The following ATG2A variants were observed in gnomAD, a reference collection of about 807,000 sequenced individuals.
ATG2A encodes the protein autophagy related 2A, also known as autophagy-related protein 2 homolog A.
Under a neutral mutation model 214.2 loss-of-function variants are expected in ATG2A, and 103 were observed. That is an observed-to-expected ratio of 0.48 (90% CI 0.41 to 0.57). The LOEUF is 0.57. Ranked by LOEUF, ATG2A falls within the 20% of genes least tolerant of loss-of-function variation. The probability of loss-of-function intolerance (pLI) is 0.00; values close to 1 mark genes in which losing one functional copy is unlikely to be tolerated. For missense variants in ATG2A, 2,312 were observed against 2,613.2 expected (o/e 0.88, Z 2.51); for synonymous variants, 1,160 against 1,142.1 (o/e 1.02, Z -0.32).
At chr11:64,905,932 TG>T in intron 22 of ATG2A, 84 bp from the exon 23 acceptor site, 1 of 1,437,700 alleles carries the variant, frequency 7.0e-7, no homozygotes. Flanking sequence ...GGCCCCTGCC[TG>T]GCACCTCACC....
chr11:64,901,015 C>T lies in ATG2A; in HGVS notation c.4197G>A (p.Pro1399=), dbSNP rs112351554. The change falls in exon 30 of 41, where the codon CCG becomes CCA. Residue 1399 remains proline, a synonymous_variant. Coordinates refer to ENST00000377264, the MANE Select transcript of ATG2A (RefSeq NM_015104.3). ...CCCGCAGCAAGTCCGTGCTGCCGAT[C>T]GGCCGTGAGAAGTAACCGTCCCTCA... ...IVVRDGYFSR[P]IGSTDLLRAP... is the part of the protein sequence containing the mutation. 470 of 1,589,810 alleles carry T rather than the reference C, an allele frequency of 3.0e-4. No individual in the cohort carries two copies. Among genetic ancestry groups the T allele is most frequent in the Non-Finnish European group, 3.5e-4 (413 of 1,168,192 alleles).
chr11:64,911,205 A>AC lies in ATG2A; in HGVS notation c.1298dup (p.Val434CysfsTer17). The AC allele has an allele frequency of 6.2e-7, 1 of 1,613,758 alleles. No individual in the cohort carries two copies. Among genetic ancestry groups the AC allele is most frequent in the Non-Finnish European group, 8.5e-7 (1 of 1,179,944 alleles). On this transcript the variant is annotated frameshift_variant, in exon 10 of 41. Transcript: ENST00000377264. LOFTEE classifies it high-confidence loss of function. ...ACGTCTGAAGCAAGGTCAGGGTCAC[A>AC]CCCCCCAAGGTCATCTTCAGCAGCG...
chr11:64,906,421 T>C lies in ATG2A; in HGVS notation c.3096A>G (p.Gly1032=), dbSNP rs1342468593. 4 of 1,612,974 alleles carry C rather than the reference T, an allele frequency of 2.5e-6. No homozygotes were observed. The highest frequency in any genetic ancestry group is 3.4e-6 in the Non-Finnish European group (4 of 1,179,986). ...GGCCCTGGCCCTTGCGGCCCGAGGC[T>C]CCCCGCTCGGTCACCCCTTCCTCCG... is the stretch of plus-strand genomic sequence containing the variant. The part of the protein sequence containing the change: ...YPSEEGVTER[G]ASGRKGQGRG... Residue 1032 remains glycine (G), a synonymous_variant, in exon 21 of 41, where the codon GGA becomes GGG. Coordinates refer to ENST00000377264, the MANE Select transcript of ATG2A (RefSeq NM_015104.3).
intron 16 of ATG2A, among the ~76,000 whole-genome samples, chr11:64,908,299 TC>T (rs1944632639): frequency 6.6e-6 from 1 of 152,158 alleles, no homozygotes; most frequent in Non-Finnish European, 1.5e-5. Context: ...ATGCCTATAA[TC>T]CCAGCACTTT....
rs764552685 is a variant in ATG2A, at chr11:64,901,069, C to T, written c.4143G>A (p.Val1381=). 22 of 1,575,138 alleles carry T rather than the reference C, an allele frequency of 1.4e-5. No homozygotes were observed. The highest frequency in any genetic ancestry group is 1.8e-5 in the Non-Finnish European group (21 of 1,160,628). Residue 1381 remains valine, a synonymous_variant, in exon 30 of 41, where the codon GTG becomes GTA. Coordinates refer to ENST00000377264, the MANE Select transcript of ATG2A (RefSeq NM_015104.3). ...CGATGGGGCCGGGATGCAGCTGTGT[C>T]ACCACAGGCTCCCCATCTCGGGGCT... is the stretch of plus-strand genomic sequence containing the variant. ...GIPPRDGEPV[V]TQLHPGPIVV...
Position 64,903,236 on chromosome 11 carries a change from T to G in ATG2A, c.3612+52A>C. 2.6e-6 allele frequency: 4 copies of G among 1,560,314 alleles called. No homozygotes were observed. Among genetic ancestry groups the G allele is most frequent in the Non-Finnish European group, 3.5e-6 (4 of 1,133,072 alleles). On this transcript the variant is annotated intron_variant, in intron 26 of 40. Transcript: ENST00000377264. The surrounding 1 kb of genome is among the most constrained non-coding windows in gnomAD (Gnocchi z 4.2). Reference sequence around the variant, plus strand: ...GAGCAGCAGCCCCTGAAGACTCCCTTGGCCCCTGCACCTGCTGTGGCTCCA... The same window carrying G: ...GAGCAGCAGCCCCTGAAGACTCCCTGGGCCCCTGCACCTGCTGTGGCTCCA...
At chr11:64,907,107 G>A in intron 19 of ATG2A, 148 bp downstream of exon 19, 1 of 991,182 alleles carries the variant, frequency 1.0e-6, no homozygotes, top group Non-Finnish European at 1.4e-6. Context: ...CTGTGACAGG[G>A]TGGGCAGGCT....
chr11:64,917,163 T>A lies in ATG2A; in HGVS notation c.-28A>T, dbSNP rs367697585. 2 of 1,567,194 alleles carry A rather than the reference T, an allele frequency of 1.3e-6. No homozygotes were observed. The highest frequency in any genetic ancestry group is 1.7e-6 in the Non-Finnish European group (2 of 1,156,250). Reference sequence around the variant, plus strand: ...CGGAGACCGCCGGGCCTGGGCCGCCTCCGCTTGCCGCCCGCCGGCGATCCC... The same window carrying A: ...CGGAGACCGCCGGGCCTGGGCCGCCACCGCTTGCCGCCCGCCGGCGATCCC... On this transcript the variant is annotated 5_prime_UTR_variant, in exon 1 of 41. Transcript: ENST00000377264.
rs1274192831 is a variant in ATG2A, at chr11:64,905,608, G to C, written c.3419C>G (p.Thr1140Ser). The C allele has an allele frequency of 6.2e-7, 1 of 1,613,714 alleles. No homozygotes were observed. The highest frequency in any genetic ancestry group is 1.7e-5 in the Admixed American group (1 of 59,954). Residue 1140 changes from threonine to serine, a missense_variant, in exon 24 of 41, where the codon ACT becomes AGT. Transcript: ENST00000377264. The stretch of plus-strand genomic sequence containing the variant: ...GTCCATGATGATGTTGCTGGAGAGA[G>C]TGAAGGTCTCCGCGGTGATGAGGAC... ...VRVLITAETF[T>S]LSSNIIMDTS...
chr11:64,903,817 G>A lies in ATG2A; in HGVS notation c.3465-157C>T, dbSNP rs1436648584. Among the ~76,000 whole-genome samples, 2 of 152,254 alleles carry A rather than the reference G, an allele frequency of 1.3e-5. No homozygotes were observed. The highest frequency in any genetic ancestry group is 2.9e-5 in the Non-Finnish European group (2 of 68,044). ...GCACAATGGGGAGAAGGCCCAGACA[G>A]CAGGCAGTGGGAAGCGGGCAGCACT... On this transcript the variant is annotated intron_variant, in intron 24 of 40. Transcript: ENST00000377264. The surrounding 1 kb of genome is among the most constrained non-coding windows in gnomAD (Gnocchi z 4.2).
rs769304182 is a variant in ATG2A, at chr11:64,906,543, G to A, written c.2984-10C>T. 6.2e-7 allele frequency: 1 copy of A among 1,612,030 alleles called. No homozygotes were observed. Among genetic ancestry groups the A allele is most frequent in the Non-Finnish European group, 8.5e-7 (1 of 1,179,308 alleles). On this transcript the variant is annotated splice_polypyrimidine_tract_variant and intron_variant, in intron 20 of 40. Coordinates refer to ENST00000377264, the MANE Select transcript of ATG2A (RefSeq NM_015104.3). Reference sequence around the variant, plus strand: ...TAGTCATCCACGGCCGCTGGGGAGGGGTCTCATGAGCCCCCTGCCAAGCCA... The same window carrying A: ...TAGTCATCCACGGCCGCTGGGGAGGAGTCTCATGAGCCCCCTGCCAAGCCA...
Position 64,914,346 on chromosome 11 carries a change from C to T in ATG2A, c.326G>A (p.Arg109Gln), listed in dbSNP as rs1343688749. ...CCTCGCCCTGCCCTCACCTGGACCCCGGCGGGGCTGCAAGGTGAGCTGGAG... is the reference window on the plus strand; with the variant it reads ...CCTCGCCCTGCCCTCACCTGGACCCTGGCGGGGCTGCAAGGTGAGCTGGAG... ...SGLQLTLQPR[R>Q]GPAPGAADSQ... is the part of the protein sequence containing the mutation. The change falls in exon 2 of 41, where the codon CGG (arginine) becomes CAG (glutamine). Residue 109 changes from arginine (R) to glutamine (Q), a missense_variant. Physicochemically the swap from Arg to Gln is conservative, Grantham distance 43. Coordinates refer to ENST00000377264, the MANE Select transcript of ATG2A (RefSeq NM_015104.3). The T allele has an allele frequency of 5.0e-6, 8 of 1,602,272 alleles. No individual in the cohort carries two copies. The highest frequency in any genetic ancestry group is 2.2e-5 in the East Asian group (1 of 44,558).
rs1414112893 is a variant in ATG2A, at chr11:64,906,718, G to C, written c.2930C>G (p.Pro977Arg). The C allele has an allele frequency of 8.1e-6, 13 of 1,613,518 alleles. No homozygotes were observed. Among genetic ancestry groups the C allele is most frequent in the Non-Finnish European group, 1.0e-5 (12 of 1,180,026 alleles). ...TTCCAGACAGAAGTAGCCAAGTCCT[G>C]GCTGGCCACAGTACTGGGAGACGCT... ...LFSVSQYCGQ[P>R]GLGYFCLEAE... Residue 977 changes from proline (P) to arginine (R), a missense_variant, in exon 20 of 41, where the codon CCA becomes CGA. Pro to Arg is a moderately radical substitution (Grantham distance 103). Coordinates refer to ENST00000377264, the MANE Select transcript of ATG2A (RefSeq NM_015104.3).
Position 64,916,981 on chromosome 11 carries a change from A to T in ATG2A, c.155T>A (p.Ile52Asn). Residue 52 changes from isoleucine (I) to asparagine (N), a missense_variant, in exon 1 of 41, where the codon ATC (isoleucine) becomes AAC (asparagine). Physicochemically the swap from Ile to Asn is moderately radical, Grantham distance 149 (BLOSUM62 -3). Coordinates refer to ENST00000377264, the MANE Select transcript of ATG2A (RefSeq NM_015104.3). ...LYKGSVALRD[I>N]HLEIWSVNEV... ...GCTCCTCACCCAGATTTCCAGGTGG[A>T]TGTCTCGCAGGGCAACGCTGCCCTT... 1 of 1,613,498 alleles carries T rather than the reference A, an allele frequency of 6.2e-7. No homozygotes were observed.
In ATG2A at chr11:64,902,298, T is replaced by C; in HGVS notation, c.3866A>G (p.Asp1289Gly). The part of the protein sequence containing the change: ...NQRDLADALL[D>G]TERSLRELAQ... ...CAGCTCCCGTAGGCTGCGCTCGGTGTCCAGGAGGGCGTCGGCCAGGTCACG... is the reference window on the plus strand; with the variant it reads ...CAGCTCCCGTAGGCTGCGCTCGGTGCCCAGGAGGGCGTCGGCCAGGTCACG... Residue 1289 changes from aspartate to glycine, a missense_variant, in exon 28 of 41, where the codon GAC becomes GGC. Coordinates refer to ENST00000377264, the MANE Select transcript of ATG2A (RefSeq NM_015104.3). 6.2e-7 allele frequency: 1 copy of C among 1,612,576 alleles called. No individual in the cohort carries two copies. Among genetic ancestry groups the C allele is most frequent in the Non-Finnish European group, 8.5e-7 (1 of 1,179,954 alleles).
chr11:64,913,200 G>A lies in ATG2A; in HGVS notation c.727-64C>T. The A allele has an allele frequency of 6.2e-7, 1 of 1,610,456 alleles. No homozygotes were observed. Among genetic ancestry groups the A allele is most frequent in the Non-Finnish European group, 8.5e-7 (1 of 1,178,878 alleles). On this transcript the variant is annotated intron_variant, in intron 5 of 40. Coordinates refer to ENST00000377264, the MANE Select transcript of ATG2A (RefSeq NM_015104.3). The surrounding 1 kb of genome is among the most constrained non-coding windows in gnomAD (Gnocchi z 4.3). ...AATGGAGTCAGAGATGGTCAGAAAG[G>A]ATGGGAGGGGCTCAATGGGCTCAAG...
rs570530826 is a variant in ATG2A, at chr11:64,903,152, G to A, written c.3612+136C>T. ...TACTATGGCCCTTTGCAGGAGGGGC[G>A]CTAACTGCAGCCCAGGAAGGGCAGG... On this transcript the variant is annotated intron_variant, in intron 26 of 40. Transcript: ENST00000377264. This position sits in a 1 kb window ranked among gnomAD's most constrained non-coding sequence, Gnocchi z 4.2. The A allele has an allele frequency of 2.1e-5, 16 of 769,568 alleles. No individual in the cohort carries two copies. The highest frequency in any genetic ancestry group is 1.3e-4 in the East Asian group (5 of 37,526). 47.7% of individuals were successfully genotyped at this position (769,568 alleles called of 1,614,324 possible). A position where few individuals can be genotyped will look rare whatever the true frequency, so the allele number is the denominator to read the frequency against.
At position 64,903,973 on chromosome 11, in the gene ATG2A, C is replaced by T. The variant is rs1590635630; in HGVS notation, c.3465-313G>A. 6.6e-6 allele frequency among the ~76,000 whole-genome samples: 1 copy of T among 152,190 alleles called. No homozygotes were observed. Among genetic ancestry groups the T allele is most frequent in the Non-Finnish European group, 1.5e-5 (1 of 68,036 alleles). On this transcript the variant is annotated intron_variant, in intron 24 of 40. Coordinates refer to ENST00000377264, the MANE Select transcript of ATG2A (RefSeq NM_015104.3). This position sits in a 1 kb window ranked among gnomAD's most constrained non-coding sequence, Gnocchi z 4.2. ...AATAAGTCCTTATTTTTGGCTGGCG[C>T]GGTGGCTCACGCCTGTAATCCCAGC...
chr11:64,904,819 TCTATCTATCTATCTATCTA>T (rs1366359021), intron 24 of ATG2A, among the ~76,000 whole-genome samples: 1,379 of 66,680 alleles, frequency 0.021, 18 homozygotes, highest in African/African-American at 0.047. Flanking sequence ...ATATTTTTTA[TCTATCTATCTATCTATCTA>T]TCTATCTATC....
Sources: allele counts gnomAD v4.1 joint callset (sites outside exome capture counted in the v4.1 genomes callset), GRCh38; gene constraint gnomAD v4.1.1; non-coding constraint Gnocchi (gnomAD v3.1); transcripts MANE v1.5; gene names NCBI Gene and HGNC (gene_info 2026-07-23, HGNC 2026-07-21).